MRPS6: variants seen among roughly 807,000 people sequenced by gnomAD.
MRPS6 encodes mitochondrial ribosomal protein S6.
Under a neutral mutation model 13.1 loss-of-function variants are expected in MRPS6, and 6 were observed. The observed-to-expected ratio is 0.46, with a 90% CI of 0.25 to 0.91. The LOEUF (loss-of-function observed/expected upper bound fraction) is 0.91. Ranked by LOEUF, MRPS6 falls within the 40% of genes least tolerant of loss-of-function variation. The probability of loss-of-function intolerance (pLI) is 0.18; values close to 1 mark genes in which losing one functional copy is unlikely to be tolerated. For synonymous variants in MRPS6, 61 were observed against 56.5 expected (o/e 1.08, Z -0.36); for missense variants, 164 against 155.6 (o/e 1.05, Z -0.29).
chr21:34,102,414 G>A (rs1979281994), intron 1 of MRPS6: 1 of 999,618 alleles, frequency 1.0e-6, no homozygotes, highest in Non-Finnish European at 1.2e-6. Context: ...ATAAAAAGAG[G>A]GATTAGTTTT....
intron 1 of MRPS6, chr21:34,098,331 T>C: frequency 2.0e-6 from 2 of 1,000,206 alleles, no homozygotes; most frequent in Non-Finnish European, 2.4e-6. Context: ...TCCAGAAACC[T>C]GAAGAAAAAT....
At chr21:34,112,770 A>G (rs542940821) in intron 1 of MRPS6, among the ~76,000 whole-genome samples, 2 of 152,176 alleles carry the variant, frequency 1.3e-5, no homozygotes, top group South Asian at 4.2e-4. Context: ...TCTCTATGAG[A>G]TCAACTTTTT....
intron 1 of MRPS6, chr21:34,123,652 T>C (rs1677203996): frequency 6.6e-6 from 1 of 152,138 alleles, no homozygotes; most frequent in South Asian, 2.1e-4. Flanking sequence ...TTAGAAATCC[T>C]ACATTTTATC....
At chr21:34,097,615 G>C in intron 1 of MRPS6, 2 of 1,194,366 alleles carry the variant, frequency 1.7e-6, no homozygotes, top group Non-Finnish European at 2.1e-6. Flanking sequence ...AGTAAGAAGA[G>C]ACCAATTATT....
At chr21:34,137,056 A>G (rs369770244) in intron 2 of MRPS6, among the ~76,000 whole-genome samples, 1 of 152,186 alleles carries the variant, frequency 6.6e-6, no homozygotes, top group East Asian at 1.9e-4. Context: ...TGAATATCAT[A>G]CTGTCTTGAT....
At chr21:34,139,466 T>C (rs12482858) in intron 2 of MRPS6, among the ~76,000 whole-genome samples, 147 of 152,346 alleles carry the variant, frequency 9.6e-4, no homozygotes, top group Admixed American at 3.7e-3. Flanking sequence ...GGGTTTAAAC[T>C]ACACATATTT....
At chr21:34,128,459 G>A (rs1980385662) in intron 2 of MRPS6, among the ~76,000 whole-genome samples, 1 of 152,108 alleles carries the variant, frequency 6.6e-6, no homozygotes, top group Non-Finnish European at 1.5e-5. Flanking sequence ...GGGTTATCTG[G>A]GAAATCTGCC....
chr21:34,085,131 A>T (rs969975571), intron 1 of MRPS6, among the ~76,000 whole-genome samples: 1 of 152,200 alleles, frequency 6.6e-6, no homozygotes, highest in Non-Finnish European at 1.5e-5. Context: ...TCAATCAAGG[A>T]TCATATATTT....
intron 1 of MRPS6, chr21:34,101,336 G>C: frequency 4.0e-6 from 4 of 1,000,116 alleles, no homozygotes; most frequent in Non-Finnish European, 4.8e-6. Flanking sequence ...TTTAAACCCT[G>C]GTTTGATGTT....
rs980782884 is a variant in MRPS6 at position 34,073,612 on chromosome 21, T to C, written c.-89T>C. ...GCCTGGGAGCCGTCCGGCGCAGCAG[T>C]TTCTAGGTCCCCACTGTCCCCGCCG... On this transcript the variant is annotated 5_prime_UTR_variant, in exon 1 of 3. Transcript: ENST00000399312. 49 of 1,195,524 alleles carry C rather than the reference T, an allele frequency of 4.1e-5. No homozygotes were observed. Among genetic ancestry groups the C allele is most frequent in the Non-Finnish European group, 5.1e-5 (44 of 857,176 alleles). The allele number at this position is 1,195,524 out of a possible 1,614,324, so 74.1% of individuals were successfully genotyped here.
At position 34,102,339 on chromosome 21, in the gene MRPS6, C is replaced by G. The variant is rs969495153; in HGVS notation, c.46-23002C>G. ...AGAATAAGGCTTTAAATTACTGATT[C>G]ACCTTTAAAGGAATGTTGTGAGAAT... On this transcript the variant is annotated intron_variant, in intron 1 of 2. Transcript: ENST00000399312. The G allele has an allele frequency of 1.2e-5, 12 of 999,206 alleles. No individual in the cohort carries two copies. In the South Asian group the frequency reaches 2.8e-4, roughly 23 times the overall value. 61.9% of individuals were successfully genotyped at this position (999,206 alleles called of 1,614,324 possible). A position where few individuals can be genotyped will look rare whatever the true frequency, so the allele number is the denominator to read the frequency against.
chr21:34,100,440 C>T, intron 1 of MRPS6: 13 of 1,000,166 alleles, frequency 1.3e-5, no homozygotes, highest in Non-Finnish European at 1.4e-5. Context: ...TATGCTTTGT[C>T]TTTAGATTAG....
Position 34,095,106 on chromosome 21 carries a change from C to T in MRPS6, c.45+21361C>T, listed in dbSNP as rs1978903148. The T allele has an allele frequency of 6.0e-6, 9 of 1,511,452 alleles. No homozygotes were observed. The East Asian group carries it at 9.1e-5, about 15-fold the overall frequency. 93.6% of individuals were successfully genotyped at this position (1,511,452 alleles called of 1,614,324 possible). On this transcript the variant is annotated intron_variant, in intron 1 of 2. Coordinates refer to ENST00000399312, the MANE Select transcript of MRPS6 (RefSeq NM_032476.4). ...GTGTTGCTCTGTGTAGTCCAGTTCA[C>T]GTATGGTTTACAGACTTGGCTGGGG... is the stretch of plus-strand genomic sequence containing the variant.
chr21:34,131,657 T>A (rs1451057469), intron 2 of MRPS6, among the ~76,000 whole-genome samples: 2 of 152,160 alleles, frequency 1.3e-5, no homozygotes, highest in Non-Finnish European at 1.5e-5. Context: ...CCACACAGGT[T>A]GTTTCTAGGC....
chr21:34,109,301 G>T (rs1287873334), intron 1 of MRPS6, among the ~76,000 whole-genome samples: 1 of 152,118 alleles, frequency 6.6e-6, no homozygotes, highest in East Asian at 1.9e-4. Context: ...TTTTAATAGG[G>T]TGGAGCACGC....
At chr21:34,105,383 C>T in intron 1 of MRPS6, 1 of 998,954 alleles carries the variant, frequency 1.0e-6, no homozygotes, top group East Asian at 1.1e-4. Context: ...AGAAGAAAAC[C>T]AATTCTTTTT....
chr21:34,121,417 C>T (rs1308625449), intron 1 of MRPS6, among the ~76,000 whole-genome samples: 1 of 152,166 alleles, frequency 6.6e-6, no homozygotes, highest in Non-Finnish European at 1.5e-5. Flanking sequence ...GTTTGTATAA[C>T]TCATTAGTGA....
chr21:34,103,882 A>C, intron 1 of MRPS6: 2 of 1,000,210 alleles, frequency 2.0e-6, no homozygotes, highest in Non-Finnish European at 1.2e-6. Context: ...TTTTACTGCA[A>C]CTTGAAACTG....
At chr21:34,091,071 A>T (rs1978659395) in intron 1 of MRPS6, among the ~76,000 whole-genome samples, 1 of 152,206 alleles carries the variant, frequency 6.6e-6, no homozygotes, top group African/African-American at 2.4e-5. Context: ...CCCTTCAATT[A>T]TTAGCTGGCT....
Sources: allele counts gnomAD v4.1 joint callset (sites outside exome capture counted in the v4.1 genomes callset), GRCh38; gene constraint gnomAD v4.1.1; transcripts MANE v1.5; gene names NCBI Gene and HGNC (gene_info 2026-07-23, HGNC 2026-07-21).